PAM: variants seen among roughly 807,000 people sequenced by gnomAD.
The protein encoded by PAM is peptidylglycine alpha-amidating monooxygenase, also known as peptidyl-glycine alpha-amidating monooxygenase.
In PAM, 72 loss-of-function variants were observed where a neutral mutation model predicts 122.1. That is an observed-to-expected ratio of 0.59 (90% CI 0.49 to 0.72). PAM has a LOEUF of 0.72. Ranked by LOEUF, PAM falls within the 30% of genes least tolerant of loss-of-function variation. The probability of loss-of-function intolerance (pLI) is 0.00; values close to 1 mark genes in which losing one functional copy is unlikely to be tolerated. For missense variants in PAM, 1,106 were observed against 1,183.7 expected, an observed-to-expected ratio of 0.93 and a Z score of 0.96; for synonymous variants, 389 against 404.4, an observed-to-expected ratio of 0.96 and a Z score of 0.46.
At chr5:102,840,084 T>C (rs1038202052) in intron 1 of PAM, among the ~76,000 whole-genome samples, 22 of 152,190 alleles carry the variant, frequency 1.4e-4, no homozygotes, top group African/African-American at 4.6e-4. Context: ...TTAAAATTAA[T>C]ATGCTTATGT....
intron 1 of PAM, among the ~76,000 whole-genome samples, chr5:102,809,282 C>T (rs1438856884): frequency 1.3e-4 from 19 of 146,788 alleles, no homozygotes; most frequent in African/African-American, 4.3e-4. Flanking sequence ...CTTCAAGAGG[C>T]GGAGGTGAGA....
At chr5:102,788,130 T>A (rs765876749) in intron 1 of PAM, among the ~76,000 whole-genome samples, 14 of 152,122 alleles carry the variant, frequency 9.2e-5, no homozygotes, top group Non-Finnish European at 2.1e-4. Flanking sequence ...CATCATATAT[T>A]TGATACCTGG....
intron 1 of PAM, among the ~76,000 whole-genome samples, chr5:102,806,594 C>G (rs1457889435): frequency 6.6e-6 from 1 of 152,180 alleles, no homozygotes; most frequent in African/African-American, 2.4e-5. Flanking sequence ...TATATACACA[C>G]ATACACACAC....
intron 16 of PAM, among the ~76,000 whole-genome samples, chr5:103,001,195 A>C (rs75613965): frequency 6.6e-6 from 1 of 152,172 alleles, no homozygotes; most frequent in African/African-American, 2.4e-5. Flanking sequence ...TCCAGTACCT[A>C]TGTTTTTCAG....
intron 5 of PAM, among the ~76,000 whole-genome samples, chr5:102,918,474 C>T (rs1746240423): frequency 6.6e-6 from 1 of 151,920 alleles, no homozygotes; most frequent in South Asian, 2.1e-4. Context: ...CTTAAATTTA[C>T]TATTTAAGTA....
chr5:102,852,781 A>G (rs1781645277), intron 1 of PAM, among the ~76,000 whole-genome samples: 1 of 152,210 alleles, frequency 6.6e-6, no homozygotes, highest in Non-Finnish European at 1.5e-5. Flanking sequence ...AGGAATGAAT[A>G]CTAAATTCAA....
At chr5:102,964,296 A>G (rs1021224058) in intron 14 of PAM, among the ~76,000 whole-genome samples, 6 of 151,972 alleles carry the variant, frequency 3.9e-5, no homozygotes, top group Admixed American at 6.6e-5. Context: ...GAAATTAACT[A>G]GATGTCTTGA....
In PAM at chr5:102,919,523, G is replaced by C. The variant is rs538832105; in HGVS notation, c.357-5434G>C. Among the ~76,000 whole-genome samples the C allele has an allele frequency of 3.3e-5, 5 of 151,970 alleles. No homozygotes were observed. The East Asian group carries it at 9.7e-4, about 29-fold the overall frequency. On this transcript the variant is annotated intron_variant, in intron 5 of 25. Transcript: ENST00000438793. Reference sequence around the variant, plus strand: ...TCCTCTCTTTGTTTTTTCTGCCGTAGGAAACTTCTAAAGTTAAATATATGT... The same window carrying C: ...TCCTCTCTTTGTTTTTTCTGCCGTACGAAACTTCTAAAGTTAAATATATGT...
At chr5:102,857,425 G>A (rs574768534) in intron 1 of PAM, among the ~76,000 whole-genome samples, 1 of 152,106 alleles carries the variant, frequency 6.6e-6, no homozygotes, top group Non-Finnish European at 1.5e-5. Flanking sequence ...CTCAAATATG[G>A]GGGAGGAGTT....
chr5:102,755,367 G>C lies in PAM; in HGVS notation c.-374+19G>C, dbSNP rs1710909924. ...CGCGCAGGTTGGTGTTGTTGCCGCTGCTGCCGCCACTGCGAGGCGGTCAGG... is the reference window on the plus strand; with the variant it reads ...CGCGCAGGTTGGTGTTGTTGCCGCTCCTGCCGCCACTGCGAGGCGGTCAGG... On this transcript the variant is annotated intron_variant, in intron 1 of 25. Transcript: ENST00000438793. 2.0e-5 allele frequency: 3 copies of C among 152,308 alleles called. No individual in the cohort carries two copies. The highest frequency in any genetic ancestry group is 2.0e-4 in the Admixed American group (3 of 15,288). The allele number at this position is 152,308 out of a possible 1,614,324, so 9.4% of individuals were successfully genotyped here.
intron 10 of PAM, 92 bp from the exon 11 acceptor site, chr5:102,949,806 TACTC>T: frequency 1.4e-6 from 1 of 738,134 alleles, no homozygotes; most frequent in South Asian, 1.7e-5. Flanking sequence ...GCTCTGAAAA[TACTC>T]AGATTTCTAC....
intron 7 of PAM, among the ~76,000 whole-genome samples, chr5:102,927,468 C>A (rs1226371043): frequency 2.0e-5 from 3 of 152,128 alleles, no homozygotes; most frequent in Non-Finnish European, 4.4e-5. Context: ...CCTGAATTCT[C>A]TAATTTGACA....
In PAM at chr5:103,005,241, G is replaced by A. The variant is rs751383485; in HGVS notation, c.1803+15G>A. On this transcript the variant is annotated intron_variant, in intron 18 of 25. Coordinates refer to ENST00000438793, the MANE Select transcript of PAM (RefSeq NM_001177306.2). ...CTCTCCATCAGGTAGTCTTCCTTTT[G>A]GTAATATTCAAATTAGAAGCTAACA... 1 of 1,078,082 alleles carries A rather than the reference G, an allele frequency of 9.3e-7. No homozygotes were observed. The highest frequency in any genetic ancestry group is 1.4e-6 in the Non-Finnish European group (1 of 692,708). The allele number at this position is 1,078,082 out of a possible 1,614,324, so 66.8% of individuals were successfully genotyped here. A position where few individuals can be genotyped will look rare whatever the true frequency, so the allele number is the denominator to read the frequency against.
At chr5:103,020,664 G>A (rs1296684719) in intron 23 of PAM, among the ~76,000 whole-genome samples, 1 of 152,086 alleles carries the variant, frequency 6.6e-6, no homozygotes, top group East Asian at 1.9e-4. Context: ...TATTTAAGTA[G>A]CAAGGGGATT....
intron 16 of PAM, among the ~76,000 whole-genome samples, chr5:102,996,313 A>G (rs1032368723): frequency 6.6e-6 from 1 of 152,210 alleles, no homozygotes; most frequent in African/African-American, 2.4e-5. Flanking sequence ...TCAGGGTATT[A>G]TTATAGCCTG....
chr5:102,946,619 A>T (rs1402486203), intron 7 of PAM, among the ~76,000 whole-genome samples: 2 of 149,882 alleles, frequency 1.3e-5, no homozygotes, highest in African/African-American at 4.9e-5. Context: ...AATACCATAG[A>T]CTGCATGAAA....
intron 7 of PAM, among the ~76,000 whole-genome samples, chr5:102,940,511 TATATATCAGAGGTAAGAAAGTG>T (rs1293703197): frequency 1.3e-5 from 2 of 149,494 alleles, no homozygotes; most frequent in Non-Finnish European, 3.0e-5. Flanking sequence ...GCTATATATA[TATATATCAGAGGTAAGAAAGTG>T]ATATATATCA....
intron 1 of PAM, among the ~76,000 whole-genome samples, chr5:102,836,562 T>A (rs1258956916): frequency 6.6e-6 from 1 of 152,120 alleles, no homozygotes; most frequent in African/African-American, 2.4e-5. Flanking sequence ...TGGTAGGGAA[T>A]GGTTCTGAGG....
At chr5:102,902,766 GTT>G (rs1409336569) in intron 4 of PAM, among the ~76,000 whole-genome samples, 1 of 151,332 alleles carries the variant, frequency 6.6e-6, no homozygotes, top group Non-Finnish European at 1.5e-5. Flanking sequence ...TTCAGGGGTT[GTT>G]TTGAGTCCTG....
Sources: gnomAD v4.1 joint callset for allele counts (sites outside exome capture counted in the v4.1 genomes callset) on GRCh38, gnomAD v4.1.1 for gene constraint, MANE v1.5 for transcripts, NCBI Gene and HGNC (gene_info 2026-07-23, HGNC 2026-07-21) for gene names.